The following DYNC1H1 variants were observed in gnomAD, a reference collection of about 807,000 sequenced individuals.
DYNC1H1 encodes cytoplasmic dynein 1 heavy chain 1.
Under a neutral mutation model 527.1 loss-of-function variants are expected in DYNC1H1, and 51 were observed. That is an observed-to-expected ratio of 0.10 (90% CI 0.08 to 0.12). The LOEUF is 0.12. DYNC1H1 is among the 10% of genes least tolerant of loss of function. DYNC1H1 has a pLI of 1.00. For synonymous variants in DYNC1H1, 2,189 were observed against 2,278.8 expected (o/e 0.96, Z 1.12); for missense variants, 2,771 against 5,971.8 (o/e 0.46, Z 17.66).
chr14:102,032,853 A>G (rs1240549497), intron 52 of DYNC1H1: 26 of 606,120 alleles, frequency 4.3e-5, no homozygotes, highest in Non-Finnish European at 6.1e-5. Context: ...ACCCTGTCTC[A>G]TTAAAAAAGA....
At chr14:102,047,620 C>CGTGTGTGT (rs71116873) in intron 72 of DYNC1H1, 197 bp from the exon 73 acceptor site, 14 of 324,284 alleles carry the variant, frequency 4.3e-5, no homozygotes, top group Non-Finnish European at 5.7e-5. Context: ...TATATATACA[C>CGTGTGTGT]GTGTGTGTGT....
At chr14:101,976,662 A>C (rs1420304337) in intron 2 of DYNC1H1, among the ~76,000 whole-genome samples, 1 of 152,184 alleles carries the variant, frequency 6.6e-6, no homozygotes, top group Non-Finnish European at 1.5e-5. Flanking sequence ...AAATTCTAAA[A>C]TACTGTCCTT....
At position 102,038,756 on chromosome 14, in the gene DYNC1H1, G is replaced by A. The variant is rs977079015; in HGVS notation, c.11114G>A (p.Arg3705His). 5 of 1,614,064 alleles carry A rather than the reference G, an allele frequency of 3.1e-6. No individual in the cohort carries two copies. The highest frequency in any genetic ancestry group is 2.7e-5 in the African/African-American group (2 of 74,926). ...RVTFVNFTVT[R>H]SSLQSQCLNE... ...ACTTTTGTAAACTTCACAGTTACCC[G>A]TAGCAGTTTACAAAGCCAGTGTCTA... The change falls in exon 59 of 78, where the codon CGT (arginine) becomes CAT (histidine). Residue 3705 changes from arginine (R) to histidine (H), a missense_variant. By Grantham distance (29) the Arg-to-His change is conservative (BLOSUM62 0). Transcript: ENST00000360184. The surrounding 1 kb of genome is among the most constrained non-coding windows in gnomAD (Gnocchi z 7.2).
At chr14:102,032,845 C>T in intron 52 of DYNC1H1, 1 of 597,008 alleles carries the variant, frequency 1.7e-6, no homozygotes, top group Non-Finnish European at 2.9e-6. Context: ...AGAGAAAAAC[C>T]CTGTCTCATT....
intron 1 of DYNC1H1, among the ~76,000 whole-genome samples, chr14:101,973,467 C>T (rs938869402): frequency 3.3e-5 from 5 of 151,994 alleles, no homozygotes; most frequent in Non-Finnish European, 7.4e-5. Flanking sequence ...GCCAGATAGA[C>T]TAATATTTTA....
In DYNC1H1 at chr14:102,041,368, A is replaced by G. The variant is rs2048647240; in HGVS notation, c.11942-206A>G. 1.4e-6 allele frequency: 1 copy of G among 728,102 alleles called. No homozygotes were observed. Among genetic ancestry groups the G allele is most frequent in the Admixed American group, 2.2e-5 (1 of 45,294 alleles). 45.1% of individuals were successfully genotyped at this position (728,102 alleles called of 1,614,324 possible). A position where few individuals can be genotyped will look rare whatever the true frequency, so the allele number is the denominator to read the frequency against. On this transcript the variant is annotated intron_variant, in intron 64 of 77. Transcript: ENST00000360184. This position sits in a 1 kb window ranked among gnomAD's most constrained non-coding sequence, Gnocchi z 4.5. ...CAAATGGCACCTTTGTCCTATGGAT[A>G]CATCCAGGTAGTAAGGTGTTCTCAC...
intron 2 of DYNC1H1, among the ~76,000 whole-genome samples, 172 bp downstream of exon 2, chr14:101,975,971 G>C (rs545617774): frequency 6.6e-6 from 1 of 150,672 alleles, no homozygotes; most frequent in Non-Finnish European, 1.5e-5. Flanking sequence ...ACAATGGCGC[G>C]ATCTCGGCTC....
Position 102,000,005 on chromosome 14 carries a change from A to G in DYNC1H1, c.3821A>G (p.Glu1274Gly). The change falls in exon 17 of 78, where the codon GAA becomes GGA. Residue 1274 changes from glutamate to glycine, a missense_variant. Glu to Gly is a moderately conservative substitution (Grantham distance 98). This residue lies in a region of DYNC1H1 where 223 missense variants were observed against 462.5 expected (regional missense o/e 0.48). Transcript: ENST00000360184. ...TKPVTGNLRPEEALQALTIYE... is the reference protein window; with the variant it reads ...TKPVTGNLRPGEALQALTIYE... Reference sequence around the variant, plus strand: ...TGCTTTCAGGGCAACCTTCGCCCAGAAGAGGCACTTCAGGCTCTCACCATA... The same window carrying G: ...TGCTTTCAGGGCAACCTTCGCCCAGGAGAGGCACTTCAGGCTCTCACCATA... The G allele has an allele frequency of 6.2e-7, 1 of 1,614,216 alleles. No homozygotes were observed. Among genetic ancestry groups the G allele is most frequent in the South Asian group, 1.1e-5 (1 of 91,084 alleles).
rs374807224 is a variant in DYNC1H1 at position 102,020,100 on chromosome 14, C to CT, written c.8507+45dup. 1.1e-5 allele frequency: 18 copies of CT among 1,609,524 alleles called. No homozygotes were observed. In the East Asian group the frequency reaches 3.8e-4, roughly 34 times the overall value. ...CCAGTTGGTCCCATTCTCCCCTGCT[C>CT]TGAGTTCTTACAGCTGTCGAAGCTG... On this transcript the variant is annotated intron_variant, in intron 42 of 77. Transcript: ENST00000360184. This position sits in a 1 kb window ranked among gnomAD's most constrained non-coding sequence, Gnocchi z 4.3.
chr14:102,039,578 G>A lies in DYNC1H1; in HGVS notation c.11595+32G>A, dbSNP rs201671138. ...TGAGGTCCTCAGCCGCTCCCTGGCG[G>A]GGGGGAAGCAGGGTGCTGCTTCTCT... On this transcript the variant is annotated intron_variant, in intron 61 of 77. Transcript: ENST00000360184. The surrounding 1 kb of genome is among the most constrained non-coding windows in gnomAD (Gnocchi z 7.0). 6.2e-7 allele frequency: 1 copy of A among 1,614,200 alleles called. No homozygotes were observed. The highest frequency in any genetic ancestry group is 8.5e-7 in the Non-Finnish European group (1 of 1,180,022).
chr14:102,047,243 A>G (rs1381831576), intron 72 of DYNC1H1, among the ~76,000 whole-genome samples: 11 of 152,150 alleles, frequency 7.2e-5, no homozygotes, highest in Admixed American at 7.2e-4. Flanking sequence ...TTAAAAACAT[A>G]CATGACTGGC....
chr14:102,031,221 C>T (rs1281274952), intron 51 of DYNC1H1, among the ~76,000 whole-genome samples: 2 of 152,072 alleles, frequency 1.3e-5, no homozygotes, highest in African/African-American at 4.8e-5. Context: ...GTATAGAAGT[C>T]ATTGGCCATT....
rs2048256618 is a variant in DYNC1H1, at chr14:102,011,366, G to A, written c.6618+414G>A. On this transcript the variant is annotated intron_variant, in intron 32 of 77. Coordinates refer to ENST00000360184, the MANE Select transcript of DYNC1H1 (RefSeq NM_001376.5). The surrounding 1 kb of genome is among the most constrained non-coding windows in gnomAD (Gnocchi z 5.3). ...AAGAAAAAGTTTATTGTTTACACAA[G>A]CTGTGTGTGTTTGGCCTGAGAGATG... is the stretch of plus-strand genomic sequence containing the variant. 2.8e-6 allele frequency: 1 copy of A among 354,618 alleles called. No homozygotes were observed. The allele number at this position is 354,618 out of a possible 1,614,324, so 22.0% of individuals were successfully genotyped here.
chr14:102,008,455 G>A, intron 29 of DYNC1H1, 118 bp downstream of exon 29: 2 of 1,348,602 alleles, frequency 1.5e-6, no homozygotes, highest in Non-Finnish European at 1.0e-6. Context: ...GGAGCTCACT[G>A]TTACAGGCAG....
At chr14:101,968,387 G>A (rs926179126) in intron 1 of DYNC1H1, among the ~76,000 whole-genome samples, 2 of 151,928 alleles carry the variant, frequency 1.3e-5, no homozygotes, top group Non-Finnish European at 2.9e-5. Context: ...GGCCTCCTGG[G>A]CTCCCAGTTC....
chr14:101,991,133 A>G (rs1037080858), intron 10 of DYNC1H1, among the ~76,000 whole-genome samples: 6 of 152,100 alleles, frequency 3.9e-5, no homozygotes, highest in Non-Finnish European at 7.4e-5. Flanking sequence ...CCATGTCGCC[A>G]TCGCACTCCA....
At chr14:102,045,228 G>A (rs943445694) in intron 72 of DYNC1H1, 6 of 190,364 alleles carry the variant, frequency 3.2e-5, no homozygotes, top group East Asian at 1.2e-4. Context: ...ATTTGAACCC[G>A]GGAGATGGAG....
At chr14:102,050,357 C>T in intron 77 of DYNC1H1, 78 bp from the exon 78 acceptor site, 2 of 1,612,876 alleles carry the variant, frequency 1.2e-6, no homozygotes, top group Non-Finnish European at 1.7e-6. Context: ...CTTGCCGGGC[C>T]CCATCAGCTG....
At chr14:101,991,073 C>T (rs1195527359) in intron 10 of DYNC1H1, among the ~76,000 whole-genome samples, 1 of 151,636 alleles carries the variant, frequency 6.6e-6, no homozygotes, top group Non-Finnish European at 1.5e-5. Flanking sequence ...GTCCCGGCTA[C>T]TTGAGGGGCT....
Sources: allele counts gnomAD v4.1 joint callset (sites outside exome capture counted in the v4.1 genomes callset), GRCh38; gene constraint gnomAD v4.1.1; regional missense constraint gnomAD v4.1.1; non-coding constraint Gnocchi (gnomAD v3.1); transcripts MANE v1.5; gene names NCBI Gene and HGNC (gene_info 2026-07-23, HGNC 2026-07-21).